The following NIPSNAP2 variants were observed in gnomAD, a reference collection of about 807,000 sequenced individuals.
The protein encoded by NIPSNAP2 is nipsnap homolog 2, also known as protein NipSnap homolog 2.
A neutral mutation model predicts 48.4 loss-of-function variants in NIPSNAP2; 42 were observed. The observed-to-expected ratio is 0.87, with a 90% CI of 0.68 to 1.12. The LOEUF is 1.12. Ranked by LOEUF, NIPSNAP2 falls within the 50% of genes most tolerant of loss-of-function variation. NIPSNAP2 has a pLI of 0.00. For missense variants in NIPSNAP2, 314 were observed against 347.3 expected, an observed-to-expected ratio of 0.90 and a Z score of 0.76; for synonymous variants, 158 against 126.6, an observed-to-expected ratio of 1.25 and a Z score of -1.67.
chr7:55,988,848 G>C (rs1448313895), intron 7 of NIPSNAP2, among the ~76,000 whole-genome samples: 1 of 151,912 alleles, frequency 6.6e-6, no homozygotes, highest in Non-Finnish European at 1.5e-5. Context: ...CTGGGTGACA[G>C]AGCAAGACTC....
chr7:55,979,225 T>G (rs1396648712), intron 3 of NIPSNAP2: 1 of 152,526 alleles, frequency 6.6e-6, no homozygotes, highest in Non-Finnish European at 1.5e-5. Context: ...CACATTTCTC[T>G]TTATTAAAAA....
chr7:55,988,165 G>C (rs1787369407), intron 7 of NIPSNAP2, among the ~76,000 whole-genome samples: 5 of 152,036 alleles, frequency 3.3e-5, no homozygotes, highest in Admixed American at 3.3e-4. Flanking sequence ...GGGAGGCTGA[G>C]GCACGAGAAT....
At chr7:55,982,071 T>G (rs963224611) in intron 4 of NIPSNAP2, 139 bp from the exon 5 acceptor site, 12 of 498,036 alleles carry the variant, frequency 2.4e-5, no homozygotes, top group African/African-American at 2.2e-4. Flanking sequence ...CCTCCCAAAG[T>G]GCTGGGATTA....
intron 1 of NIPSNAP2, among the ~76,000 whole-genome samples, chr7:55,967,290 C>T (rs758866340): frequency 1.3e-5 from 2 of 152,248 alleles, no homozygotes; most frequent in Non-Finnish European, 2.9e-5. Flanking sequence ...TGGTCTTCCC[C>T]AAGCCCATCC....
chr7:55,975,349 T>C (rs1787088945), intron 1 of NIPSNAP2, among the ~76,000 whole-genome samples: 1 of 152,012 alleles, frequency 6.6e-6, no homozygotes, highest in African/African-American at 2.4e-5. Flanking sequence ...TAAGAGCCTG[T>C]CTCAAAAATA....
At chr7:55,979,172 T>G in intron 3 of NIPSNAP2, 1 of 152,302 alleles carries the variant, frequency 6.6e-6, no homozygotes, top group East Asian at 1.9e-4. Context: ...TGAAGATAGC[T>G]TATGAAATGT....
chr7:55,982,150 T>C, intron 4 of NIPSNAP2, 60 bp from the exon 5 acceptor site: 1 of 1,095,044 alleles, frequency 9.1e-7, no homozygotes, highest in South Asian at 1.3e-5. Flanking sequence ...ATCTAGAACA[T>C]TTTCAAGTAG....
At chr7:55,993,577 A>G (rs1483898609) in intron 7 of NIPSNAP2, among the ~76,000 whole-genome samples, 2 of 16,376 alleles carry the variant, frequency 1.2e-4, no homozygotes, top group Admixed American at 6.6e-4. Context: ...ACTCCATCTA[A>G]AAAAAAAAAA....
rs1268407537 is a variant in NIPSNAP2, at chr7:55,964,603, G to A, written c.-7G>A. On this transcript the variant is annotated 5_prime_UTR_variant, in exon 1 of 10. Coordinates refer to ENST00000322090, the MANE Select transcript of NIPSNAP2 (RefSeq NM_001483.3). ...CCCGGGCGGTGGGAGCCGAGGCGCC[G>A]AGCAAGATGGCGGCGCGAGTGCTGC... is the stretch of plus-strand genomic sequence containing the variant. 9.8e-7 allele frequency: 1 copy of A among 1,021,310 alleles called. No individual in the cohort carries two copies. Among genetic ancestry groups the A allele is most frequent in the Non-Finnish European group, 1.2e-6 (1 of 854,772 alleles). 63.3% of individuals were successfully genotyped at this position (1,021,310 alleles called of 1,614,324 possible).
Position 55,984,896 on chromosome 7 carries a change from T to A in NIPSNAP2, c.617+18T>A. On this transcript the variant is annotated intron_variant, in intron 7 of 9. Coordinates refer to ENST00000322090, the MANE Select transcript of NIPSNAP2 (RefSeq NM_001483.3). ...AATTACTGGTGAGTATATTACTGAA[T>A]GGTGATTTTTTAAGTCTTGTGAATA... 1 of 1,597,022 alleles carries A rather than the reference T, an allele frequency of 6.3e-7. No homozygotes were observed. Among genetic ancestry groups the A allele is most frequent in the South Asian group, 1.1e-5 (1 of 88,090 alleles).
At chr7:55,964,769 C>A in intron 1 of NIPSNAP2, 68 bp downstream of exon 1, 1 of 842,612 alleles carries the variant, frequency 1.2e-6, no homozygotes, top group Non-Finnish European at 1.5e-6. Flanking sequence ...GCGCGGGTTT[C>A]CCGGCGCCGG....
At chr7:55,987,411 C>T (rs376224739) in intron 7 of NIPSNAP2, among the ~76,000 whole-genome samples, 1 of 152,002 alleles carries the variant, frequency 6.6e-6, no homozygotes. Context: ...GCTGGTCACC[C>T]GAGCTCAGGA....
intron 1 of NIPSNAP2, chr7:55,965,134 T>C (rs11771756): frequency 0.17 from 26,293 of 152,338 alleles, 2,799 homozygotes; most frequent in Non-Finnish European, 0.23. Context: ...AGGACGTTGG[T>C]GACCCTGGTC....
intron 8 of NIPSNAP2, among the ~76,000 whole-genome samples, chr7:55,997,158 G>GAA (rs34739025): frequency 7.3e-4 from 82 of 112,300 alleles, no homozygotes; most frequent in African/African-American, 2.5e-3. Flanking sequence ...CCTTGTCTCA[G>GAA]AAAAAAAAAA....
At chr7:55,990,194 CTT>C (rs1053739357) in intron 7 of NIPSNAP2, among the ~76,000 whole-genome samples, 1 of 150,976 alleles carries the variant, frequency 6.6e-6, no homozygotes, top group Non-Finnish European at 1.5e-5. Context: ...TTCTTTGAAA[CTT>C]AACATATTTC....
chr7:55,985,820 G>A (rs1361519975), intron 7 of NIPSNAP2, among the ~76,000 whole-genome samples: 1 of 151,832 alleles, frequency 6.6e-6, no homozygotes, highest in African/African-American at 2.4e-5. Flanking sequence ...GGCTGAGGTG[G>A]GCAGATCACC....
chr7:55,984,873 T>C lies in NIPSNAP2; in HGVS notation c.612T>C (p.Asn204=). 6 of 1,610,504 alleles carry C rather than the reference T, an allele frequency of 3.7e-6. No homozygotes were observed. Among genetic ancestry groups the C allele is most frequent in the Non-Finnish European group, 5.1e-6 (6 of 1,178,042 alleles). ...CAGGAACCATGATTGAATGGGGCAA[T>C]TACTGGTGAGTATATTACTGAATGG... ...LRPGTMIEWG[N]YWARAIRFRQ... is the part of the protein sequence containing the mutation. Residue 204 remains asparagine (N), a synonymous_variant, in exon 7 of 10, where the codon AAT becomes AAC. Transcript: ENST00000322090.
chr7:55,969,686 A>G (rs990648761), intron 1 of NIPSNAP2, among the ~76,000 whole-genome samples: 3 of 152,154 alleles, frequency 2.0e-5, no homozygotes, highest in African/African-American at 4.8e-5. Context: ...CAGTCTGTAA[A>G]TAACAGTGAT....
chr7:55,993,733 G>GT (rs1787497103), intron 7 of NIPSNAP2, among the ~76,000 whole-genome samples: 1 of 151,870 alleles, frequency 6.6e-6, no homozygotes, highest in Admixed American at 6.6e-5. Flanking sequence ...GAGGAAGACT[G>GT]TTTCAAAAAA....
Sources: gnomAD v4.1 joint callset for allele counts (sites outside exome capture counted in the v4.1 genomes callset) on GRCh38, gnomAD v4.1.1 for gene constraint, MANE v1.5 for transcripts, NCBI Gene and HGNC (gene_info 2026-07-23, HGNC 2026-07-21) for gene names.